Variants in VPS35L observed in about 807,000 individuals in gnomAD.
VPS35L encodes the protein VPS35 endosomal protein sorting factor like, also known as VPS35 endosomal protein-sorting factor-like.
Under a neutral mutation model 133.0 loss-of-function variants are expected in VPS35L, and 83 were observed. The observed-to-expected ratio is 0.62, with a 90% CI of 0.52 to 0.75. The LOEUF (loss-of-function observed/expected upper bound fraction) is 0.75, where lower values mean the gene tolerates loss of function less well. Among genes scored for constraint, VPS35L ranks in the 30% least tolerant of loss-of-function variants. VPS35L has a pLI of 0.00. For synonymous variants in VPS35L, 423 were observed against 449.9 expected, an observed-to-expected ratio of 0.94 and a Z score of 0.76; for missense variants, 1,083 against 1,206.8, an observed-to-expected ratio of 0.90 and a Z score of 1.52.
At chr16:19,658,148 T>G (rs9922084) in intron 26 of VPS35L, among the ~76,000 whole-genome samples, 31,717 of 152,082 alleles carry the variant, frequency 0.21, 6,145 homozygotes, top group African/African-American at 0.51. Context: ...ACCTGCAGTT[T>G]CTTCCTCCTG....
rs558346039 is a variant in VPS35L at position 19,691,112 on chromosome 16, C to T, written c.2528-241C>T. The stretch of plus-strand genomic sequence containing the variant: ...TTAATGTCACCCCCGCTCCCCGCCA[C>T]GCACACATGGGCTAGAGGGGTGACT... On this transcript the variant is annotated intron_variant, in intron 28 of 30. Transcript: ENST00000417362. Among the ~76,000 whole-genome samples the T allele has an allele frequency of 5.3e-5, 8 of 152,314 alleles. No homozygotes were observed. The East Asian group carries it at 5.8e-4, about 11-fold the overall frequency.
intron 28 of VPS35L, among the ~76,000 whole-genome samples, chr16:19,684,179 G>C (rs1368275287): frequency 6.6e-6 from 1 of 152,128 alleles, no homozygotes; most frequent in African/African-American, 2.4e-5. Context: ...GAACTTGCTA[G>C]TACAAGTTGG....
chr16:19,601,570 C>A, intron 8 of VPS35L, 94 bp from the exon 9 acceptor site: 1 of 1,243,134 alleles, frequency 8.0e-7, no homozygotes, highest in Non-Finnish European at 1.1e-6. Flanking sequence ...CCTGTCTGGG[C>A]GATGATAGCT....
At chr16:19,676,206 T>G (rs1247090085) in intron 27 of VPS35L, among the ~76,000 whole-genome samples, 1 of 152,106 alleles carries the variant, frequency 6.6e-6, no homozygotes, top group Non-Finnish European at 1.5e-5. Context: ...GAGCCAAGAT[T>G]ATGCCATTGC....
chr16:19,658,175 A>G lies in VPS35L; in HGVS notation c.2221+6085A>G, dbSNP rs1480958511. Among the ~76,000 whole-genome samples the G allele has an allele frequency of 3.9e-5, 6 of 152,328 alleles. No individual in the cohort carries two copies. In the East Asian group the frequency reaches 1.2e-3, roughly 29 times the overall value. ...TTCCTCCTGTCAGTATTTTCTGGTC[A>G]TCTTTTACATGCGGCCCACTGTGCC... On this transcript the variant is annotated intron_variant, in intron 26 of 30. Transcript: ENST00000417362.
At chr16:19,654,456 G>A (rs904530473) in intron 26 of VPS35L, among the ~76,000 whole-genome samples, 2 of 151,768 alleles carry the variant, frequency 1.3e-5, no homozygotes, top group Non-Finnish European at 2.9e-5. Flanking sequence ...GTTATCGGGA[G>A]GCTGAGGCAC....
chr16:19,578,286 CTTTTTTT>C lies in VPS35L; in HGVS notation c.434-758_434-752del, dbSNP rs557894286. 5.0e-3 allele frequency: 2,079 copies of C among 414,460 alleles called. 20 individuals are homozygous for C. The highest frequency in any genetic ancestry group is 9.1e-3 in the South Asian group (532 of 58,588). The allele number at this position is 414,460 out of a possible 1,614,324, so 25.7% of individuals were successfully genotyped here. On this transcript the variant is annotated intron_variant, in intron 5 of 30. Transcript: ENST00000417362. ...CTAAGTCCACATTTCTTTCTTTTTTCTTTTTTTTTTTTTTGAGATGGAGGTTACAGTG... is the reference window on the plus strand; with the variant it reads ...CTAAGTCCACATTTCTTTCTTTTTTCTTTTTTTGAGATGGAGGTTACAGTG...
rs1334460602 is a variant in VPS35L, at chr16:19,639,251, C to G, written c.1699-764C>G. Reference sequence around the variant, plus strand: ...CACTTTACAGATGAGAAAACTGATGCAGGAAGAGGTAGAGTAACTTGCTTA... The same window carrying G: ...CACTTTACAGATGAGAAAACTGATGGAGGAAGAGGTAGAGTAACTTGCTTA... On this transcript the variant is annotated intron_variant, in intron 20 of 30. Transcript: ENST00000417362. This position sits in a 1 kb window ranked among gnomAD's most constrained non-coding sequence, Gnocchi z 4.1. 1.3e-5 allele frequency among the ~76,000 whole-genome samples: 2 copies of G among 152,148 alleles called. No homozygotes were observed. The highest frequency in any genetic ancestry group is 2.4e-5 in the African/African-American group (1 of 41,434).
At chr16:19,563,485 A>G (rs968768244) in intron 1 of VPS35L, among the ~76,000 whole-genome samples, 1 of 151,996 alleles carries the variant, frequency 6.6e-6, no homozygotes, top group African/African-American at 2.4e-5. Flanking sequence ...AGTTTCACCT[A>G]TTATCTCTTC....
At position 19,616,753 on chromosome 16, in the gene VPS35L, T is replaced by C. The variant is rs750763788; in HGVS notation, c.1169T>C (p.Leu390Ser). ...GTGGAGCTCCCATCTTACCTCCCCT[T>C]GTACCCGCCTGCCATGGACTGGATC... ...QGVELPSYLP[L>S]YPPAMDWIFQ... Residue 390 changes from leucine to serine, a missense_variant, in exon 14 of 31, where the codon TTG becomes TCG. Leu to Ser is a moderately radical substitution (Grantham distance 145). Coordinates refer to ENST00000417362, the MANE Select transcript of VPS35L (RefSeq NM_020314.7). 1.2e-6 allele frequency: 2 copies of C among 1,614,162 alleles called. No homozygotes were observed. Among genetic ancestry groups the C allele is most frequent in the East Asian group, 2.2e-5 (1 of 44,882 alleles).
intron 28 of VPS35L, among the ~76,000 whole-genome samples, chr16:19,684,788 G>T (rs1975399949): frequency 6.6e-6 from 1 of 152,196 alleles, no homozygotes; most frequent in Admixed American, 6.5e-5. Context: ...TGGGCACAGT[G>T]GCTTGTGCCT....
chr16:19,649,082 G>A (rs1419650762), intron 24 of VPS35L, among the ~76,000 whole-genome samples: 5 of 151,840 alleles, frequency 3.3e-5, no homozygotes, highest in Admixed American at 2.0e-4. Context: ...TCCACCTCCC[G>A]GGTTCAAGTG....
At chr16:19,685,953 C>G (rs1975444185) in intron 28 of VPS35L, among the ~76,000 whole-genome samples, 1 of 152,162 alleles carries the variant, frequency 6.6e-6, no homozygotes, top group African/African-American at 2.4e-5. Context: ...TCAGCCCATC[C>G]TTTCTCTGAA....
chr16:19,600,089 C>T (rs543777550), intron 8 of VPS35L, among the ~76,000 whole-genome samples: 3 of 152,082 alleles, frequency 2.0e-5, no homozygotes, highest in African/African-American at 4.8e-5. Flanking sequence ...GTAGGTGGCT[C>T]ATACTAGGAG....
At chr16:19,640,126 G>A in intron 21 of VPS35L, 26 bp downstream of exon 21, 1 of 1,596,076 alleles carries the variant, frequency 6.3e-7, no homozygotes, top group Middle Eastern at 1.7e-4. Flanking sequence ...TGCAGCAGAA[G>A]CCTTGATTCC....
At chr16:19,669,075 G>T in intron 26 of VPS35L, 85 bp from the exon 27 acceptor site, 1 of 1,421,398 alleles carries the variant, frequency 7.0e-7, no homozygotes. Context: ...TAACTCTCAG[G>T]ACTGGCCTTC....
intron 5 of VPS35L, among the ~76,000 whole-genome samples, chr16:19,577,168 G>A (rs796142704): frequency 3.3e-5 from 5 of 152,294 alleles, no homozygotes; most frequent in African/African-American, 1.2e-4. Flanking sequence ...AGGTTTACTT[G>A]ACTTATGGTT....
chr16:19,642,789 G>T (rs961353160), intron 22 of VPS35L, among the ~76,000 whole-genome samples: 1 of 152,068 alleles, frequency 6.6e-6, no homozygotes, highest in Non-Finnish European at 1.5e-5. Flanking sequence ...GTAATAATGA[G>T]CTCACTCATC....
Position 19,627,740 on chromosome 16 carries a change from A to G in VPS35L, c.1318A>G (p.Ile440Val), listed in dbSNP as rs147480246. 5.5e-5 allele frequency: 89 copies of G among 1,614,200 alleles called. No individual in the cohort carries two copies. The South Asian group carries it at 7.5e-4, about 14-fold the overall frequency. The change falls in exon 16 of 31, where the codon ATC becomes GTC. Residue 440 changes from isoleucine to valine, a missense_variant. Coordinates refer to ENST00000417362, the MANE Select transcript of VPS35L (RefSeq NM_020314.7). Reference sequence around the variant, plus strand: ...GATGTCTGCCTTCCGGGCTGAGTTCATCGCCACAAGGTCTATGGATTTCAT... The same window carrying G: ...GATGTCTGCCTTCCGGGCTGAGTTCGTCGCCACAAGGTCTATGGATTTCAT... ...SVMSAFRAEF[I>V]ATRSMDFIGM... is the part of the protein sequence containing the mutation.
Sources: allele counts gnomAD v4.1 joint callset (sites outside exome capture counted in the v4.1 genomes callset), GRCh38; gene constraint gnomAD v4.1.1; non-coding constraint Gnocchi (gnomAD v3.1); transcripts MANE v1.5; gene names NCBI Gene and HGNC (gene_info 2026-07-23, HGNC 2026-07-21).